The following HERPUD2 variants were observed in gnomAD, a reference collection of about 807,000 sequenced individuals.
HERPUD2 encodes the protein HERPUD family member 2, also known as homocysteine-responsive endoplasmic reticulum-resident ubiquitin-like domain member 2 protein.
Under a neutral mutation model 49.9 loss-of-function variants are expected in HERPUD2, and 13 were observed. The ratio of observed to expected loss-of-function variants is 0.26; its 90% CI spans 0.17 to 0.41. The LOEUF (loss-of-function observed/expected upper bound fraction) is 0.41, where lower values mean the gene tolerates loss of function less well. Ranked by LOEUF, HERPUD2 falls within the 10% of genes least tolerant of loss-of-function variation. The probability of loss-of-function intolerance (pLI) is 1.00; values close to 1 mark genes in which losing one functional copy is unlikely to be tolerated. For synonymous variants in HERPUD2, 172 were observed against 171.4 expected (o/e 1.00, Z -0.03); for missense variants, 449 against 492.2 (o/e 0.91, Z 0.83).
chr7:35,667,621 T>G (rs746730664), intron 4 of HERPUD2, 33 bp from the exon 5 acceptor site: 2 of 1,524,168 alleles, frequency 1.3e-6, no homozygotes, highest in South Asian at 2.3e-5. Flanking sequence ...TAAAAGGAGA[T>G]TTAGTTCTTT....
chr7:35,643,137 G>A (rs1784993637), intron 5 of HERPUD2, among the ~76,000 whole-genome samples: 2 of 152,176 alleles, frequency 1.3e-5, no homozygotes, highest in Admixed American at 1.3e-4. Flanking sequence ...ACTGGAGACA[G>A]GGACAATAGC....
At chr7:35,675,784 C>T (rs1030264068) in intron 2 of HERPUD2, among the ~76,000 whole-genome samples, 10 of 151,904 alleles carry the variant, frequency 6.6e-5, no homozygotes, top group African/African-American at 9.7e-5. Context: ...AATGTAGAGA[C>T]GGGGTCTCAC....
intron 5 of HERPUD2, among the ~76,000 whole-genome samples, chr7:35,666,648 G>GT (rs1785541999): frequency 6.6e-6 from 1 of 152,156 alleles, no homozygotes; most frequent in Admixed American, 6.5e-5. Context: ...CAGTAAAACA[G>GT]TCTGCTTTCA....
Position 35,633,717 on chromosome 7 carries a change from T to C in HERPUD2, c.1194A>G (p.Pro398=). Residue 398 remains proline, a synonymous_variant, in exon 9 of 9, where the codon CCA becomes CCG. Coordinates refer to ENST00000311350, the MANE Select transcript of HERPUD2 (RefSeq NM_022373.5). Reference sequence around the variant, plus strand: ...AATTGGCAACCTGGGGAGGCCCCTCTGGTATTAGTGAAGTAAAGAAGGTGG... The same window carrying C: ...AATTGGCAACCTGGGGAGGCCCCTCCGGTATTAGTGAAGTAAAGAAGGTGG... The part of the protein sequence containing the change: ...FITTFFTSLI[P]EGPPQVAN The C allele has an allele frequency of 1.2e-6, 2 of 1,613,950 alleles. No homozygotes were observed. The highest frequency in any genetic ancestry group is 1.7e-6 in the Non-Finnish European group (2 of 1,179,902).
chr7:35,646,765 T>G (rs1785061883), intron 5 of HERPUD2, among the ~76,000 whole-genome samples: 1 of 152,108 alleles, frequency 6.6e-6, no homozygotes, highest in South Asian at 2.1e-4. Flanking sequence ...TAACCTGGTT[T>G]CTCCCTCTGC....
chr7:35,659,413 A>G (rs1785359227), intron 5 of HERPUD2, among the ~76,000 whole-genome samples: 2 of 152,224 alleles, frequency 1.3e-5, no homozygotes, highest in African/African-American at 4.8e-5. Flanking sequence ...TGTACCATAC[A>G]CAGAGATGCT....
chr7:35,659,829 T>A (rs945803655), intron 5 of HERPUD2, among the ~76,000 whole-genome samples: 19 of 152,120 alleles, frequency 1.2e-4, no homozygotes, highest in Non-Finnish European at 2.6e-4. Flanking sequence ...ATATTTGAGA[T>A]TTTTCTTTTT....
intron 2 of HERPUD2, among the ~76,000 whole-genome samples, chr7:35,683,662 AATC>A (rs1258640564): frequency 7.2e-5 from 11 of 152,214 alleles, no homozygotes; most frequent in African/African-American, 2.4e-4. Flanking sequence ...TTCATAATCT[AATC>A]ATCTAACAAA....
At chr7:35,645,755 T>C (rs1408273802) in intron 5 of HERPUD2, among the ~76,000 whole-genome samples, 1 of 152,236 alleles carries the variant, frequency 6.6e-6, no homozygotes, top group African/African-American at 2.4e-5. Flanking sequence ...TGCCATTATG[T>C]GTTAAAATAA....
chr7:35,652,311 C>G (rs933841086), intron 5 of HERPUD2, among the ~76,000 whole-genome samples: 3 of 151,338 alleles, frequency 2.0e-5, no homozygotes, highest in Admixed American at 6.6e-5. Context: ...TCAGTAAATT[C>G]TTTTTACCAA....
intron 6 of HERPUD2, among the ~76,000 whole-genome samples, chr7:35,637,689 C>T (rs1337344359): frequency 6.6e-6 from 1 of 152,056 alleles, no homozygotes; most frequent in Non-Finnish European, 1.5e-5. Flanking sequence ...TCCTCTCTAC[C>T]GACTATGAGT....
chr7:35,674,404 T>G (rs7785198), intron 2 of HERPUD2, among the ~76,000 whole-genome samples: 60 of 38,108 alleles, frequency 1.6e-3, no homozygotes, highest in East Asian at 4.6e-3. Flanking sequence ...TATATATATA[T>G]AGAGAGAGAG....
At chr7:35,689,617 T>A (rs1465103526) in intron 2 of HERPUD2, among the ~76,000 whole-genome samples, 1 of 152,230 alleles carries the variant, frequency 6.6e-6, no homozygotes, top group East Asian at 1.9e-4. Context: ...AACCTATATA[T>A]ACAATTGGTT....
chr7:35,650,818 C>G (rs1282747809), intron 5 of HERPUD2, among the ~76,000 whole-genome samples: 1 of 152,134 alleles, frequency 6.6e-6, no homozygotes, highest in African/African-American at 2.4e-5. Flanking sequence ...GTGCATCTCC[C>G]GAGCACTGTA....
rs1333544111 is a variant in HERPUD2, at chr7:35,695,067, C to G, written c.-564G>C. The G allele has an allele frequency of 1.3e-5, 2 of 152,474 alleles. No homozygotes were observed. Among genetic ancestry groups the G allele is most frequent in the South Asian group, 2.1e-4 (1 of 4,838 alleles). The allele number at this position is 152,474 out of a possible 1,614,324, so 9.4% of individuals were successfully genotyped here. The stretch of plus-strand genomic sequence containing the variant: ...AGGGCTGGGCCGGGGGCGGCCCAGG[C>G]GACTACAGGTAGCAGGAGGGCGGGG... On this transcript the variant is annotated 5_prime_UTR_variant, in exon 1 of 9. Transcript: ENST00000311350.
intron 5 of HERPUD2, among the ~76,000 whole-genome samples, chr7:35,665,952 T>C (rs1243743797): frequency 2.0e-5 from 3 of 152,218 alleles, no homozygotes; most frequent in African/African-American, 7.2e-5. Flanking sequence ...AGTTATAAAT[T>C]TTATCCAGAG....
At chr7:35,663,605 A>G (rs1333651418) in intron 5 of HERPUD2, among the ~76,000 whole-genome samples, 2 of 152,188 alleles carry the variant, frequency 1.3e-5, no homozygotes, top group African/African-American at 4.8e-5. Context: ...GTGCATATAT[A>G]TTTAAGATAG....
chr7:35,645,421 A>C (rs1303773690), intron 5 of HERPUD2, among the ~76,000 whole-genome samples: 1 of 152,108 alleles, frequency 6.6e-6, no homozygotes, highest in Non-Finnish European at 1.5e-5. Flanking sequence ...TCTCTAACAA[A>C]ATAAAAATAA....
At chr7:35,655,383 T>C (rs116315303) in intron 5 of HERPUD2, among the ~76,000 whole-genome samples, 2,105 of 152,230 alleles carry the variant, frequency 0.014, 50 homozygotes, top group African/African-American at 0.047. Context: ...CATCATCAAA[T>C]GGGATTTATC....
Sources: allele counts gnomAD v4.1 joint callset (sites outside exome capture counted in the v4.1 genomes callset), GRCh38; gene constraint gnomAD v4.1.1; transcripts MANE v1.5; gene names NCBI Gene and HGNC (gene_info 2026-07-23, HGNC 2026-07-21).